The following AMT variants were observed in gnomAD, a reference collection of about 807,000 sequenced individuals.
AMT encodes aminomethyltransferase, mitochondrial.
Under a neutral mutation model 39.5 loss-of-function variants are expected in AMT, and 24 were observed. The ratio of observed to expected loss-of-function variants is 0.61; its 90% CI spans 0.44 to 0.86. The LOEUF is 0.86. AMT is among the 40% of genes least tolerant of loss of function. AMT has a pLI of 0.00. For missense variants in AMT, 501 were observed against 537.0 expected, an observed-to-expected ratio of 0.93 and a Z score of 0.66; for synonymous variants, 210 against 212.1, an observed-to-expected ratio of 0.99 and a Z score of 0.09.
At chr3:49,419,505 T>C in intron 5 of AMT, 100 bp from the exon 6 acceptor site, 1 of 1,557,812 alleles carries the variant, frequency 6.4e-7, no homozygotes, top group South Asian at 1.1e-5. Flanking sequence ...TGAGCATGTC[T>C]TACTCTGCAA....
At chr3:49,421,330 T>C in intron 3 of AMT, 162 bp downstream of exon 3, 2 of 682,718 alleles carry the variant, frequency 2.9e-6, no homozygotes, top group South Asian at 1.6e-5. Context: ...TCCCTACAAA[T>C]GTCTGTGTCT....
At chr3:49,421,923 T>G in intron 2 of AMT, 181 bp downstream of exon 2, 3 of 860,240 alleles carry the variant, frequency 3.5e-6, no homozygotes, top group Non-Finnish European at 5.7e-6. Context: ...GATGAGATGA[T>G]GAGACCCTCT....
rs1218215623 is a variant in AMT at position 49,419,761 on chromosome 3, C to G, written c.499G>C (p.Gly167Arg). 6.2e-7 allele frequency: 1 copy of G among 1,613,986 alleles called. No homozygotes were observed. The highest frequency in any genetic ancestry group is 8.5e-7 in the Non-Finnish European group (1 of 1,180,042). Residue 167 changes from glycine to arginine, a missense_variant, in exon 5 of 9, where the codon GGC becomes CGC. By Grantham distance (125) the Gly-to-Arg change is moderately radical. Coordinates refer to ENST00000273588, the MANE Select transcript of AMT (RefSeq NM_000481.4). ...AACACCTCCAGGCCCACATCTCTGC[C>G]CTGGTTCTGAAGCTCCCTGACCTTG... ...QDKVRELQNQ[G>R]RDVGLEVLDN...
chr3:49,418,117 G>A, intron 7 of AMT, 144 bp from the exon 8 acceptor site: 1 of 1,086,514 alleles, frequency 9.2e-7, no homozygotes, highest in Non-Finnish European at 1.3e-6. Flanking sequence ...TCCCTTCACT[G>A]CCGTCAGCCA....
chr3:49,419,604 A>G (rs534625484), intron 5 of AMT, 106 bp downstream of exon 5: 1 of 1,449,276 alleles, frequency 6.9e-7, no homozygotes, highest in South Asian at 1.1e-5. Context: ...TATGGCACAC[A>G]AATATCACAC....
At position 49,417,894 on chromosome 3, in the gene AMT, C is replaced by T. The variant is rs2049026846; in HGVS notation, c.957G>A (p.Arg319=). ...CCCCCTCACACATCAACCCCACACG[C>T]CTCCGCTGCACCCTGCCCTTCAGCT... ...VPQLKGRVQR[R]RVGLMCEGAP... The change falls in exon 8 of 9, where the codon AGG becomes AGA. Residue 319 remains arginine, a synonymous_variant. Coordinates refer to ENST00000273588, the MANE Select transcript of AMT (RefSeq NM_000481.4). The T allele has an allele frequency of 2.5e-6, 4 of 1,613,962 alleles. No homozygotes were observed. Among genetic ancestry groups the T allele is most frequent in the Admixed American group, 1.7e-5 (1 of 59,996 alleles).
intron 3 of AMT, chr3:49,420,828 C>A: frequency 4.6e-6 from 1 of 218,384 alleles, no homozygotes; most frequent in Non-Finnish European, 9.4e-6. Context: ...ACATGAATCA[C>A]CTGGGGATCT....
Position 49,417,032 on chromosome 3 carries a change from G to C in AMT, c.*508C>G. The C allele has an allele frequency of 1.8e-6, 1 of 562,670 alleles. No homozygotes were observed. Among genetic ancestry groups the C allele is most frequent in the East Asian group, 4.1e-5 (1 of 24,296 alleles). 34.9% of individuals were successfully genotyped at this position (562,670 alleles called of 1,614,324 possible). A position where few individuals can be genotyped will look rare whatever the true frequency, so the allele number is the denominator to read the frequency against. On this transcript the variant is annotated 3_prime_UTR_variant, in exon 9 of 9. Transcript: ENST00000273588. Reference sequence around the variant, plus strand: ...ATCCCCAAGTTTACACACAGGCATAGCAGCCCTACTGTGAGTCAGCAATCA... The same window carrying C: ...ATCCCCAAGTTTACACACAGGCATACCAGCCCTACTGTGAGTCAGCAATCA...
chr3:49,419,189 G>T, intron 6 of AMT, 38 bp from the exon 7 acceptor site: 1 of 1,612,438 alleles, frequency 6.2e-7, no homozygotes, highest in Non-Finnish European at 8.5e-7. Flanking sequence ...GAAGCTCCCT[G>T]TACCACATAC....
At chr3:49,419,944 C>A in intron 4 of AMT, 156 bp from the exon 5 acceptor site, 1 of 840,488 alleles carries the variant, frequency 1.2e-6, no homozygotes, top group Non-Finnish European at 2.0e-6. Context: ...TACAAGGTCA[C>A]ATAGCTACTA....
chr3:49,419,759 G>T lies in AMT; in HGVS notation c.501C>A (p.Gly167=). The part of the protein sequence containing the change: ...QDKVRELQNQ[G]RDVGLEVLDN... Reference sequence around the variant, plus strand: ...CCAACACCTCCAGGCCCACATCTCTGCCCTGGTTCTGAAGCTCCCTGACCT... The same window carrying T: ...CCAACACCTCCAGGCCCACATCTCTTCCCTGGTTCTGAAGCTCCCTGACCT... Residue 167 remains glycine, a synonymous_variant, in exon 5 of 9, where the codon GGC becomes GGA. Coordinates refer to ENST00000273588, the MANE Select transcript of AMT (RefSeq NM_000481.4). 1 of 1,614,160 alleles carries T rather than the reference G, an allele frequency of 6.2e-7. No homozygotes were observed. Among genetic ancestry groups the T allele is most frequent in the Non-Finnish European group, 8.5e-7 (1 of 1,180,042 alleles).
intron 3 of AMT, 55 bp from the exon 4 acceptor site, chr3:49,420,397 G>A: frequency 6.2e-7 from 1 of 1,613,110 alleles, no homozygotes; most frequent in Admixed American, 1.7e-5. Flanking sequence ...AAGGCCAAGG[G>A]TGAGCCAGAC....
intron 2 of AMT, 200 bp downstream of exon 2, chr3:49,421,904 A>C: frequency 1.3e-6 from 1 of 794,940 alleles, no homozygotes; most frequent in South Asian, 1.4e-5. Context: ...AATGGGGGCA[A>C]GCTAGAAGGA....
intron 4 of AMT, 94 bp from the exon 5 acceptor site, chr3:49,419,882 A>T: frequency 8.2e-7 from 1 of 1,216,200 alleles, no homozygotes; most frequent in Non-Finnish European, 1.2e-6. Context: ...AGGACAGTGG[A>T]GAGGAGGAGG....
chr3:49,420,121 C>G, intron 4 of AMT, 90 bp downstream of exon 4: 1 of 1,556,690 alleles, frequency 6.4e-7, no homozygotes, highest in Non-Finnish European at 8.8e-7. Context: ...TTTTCCAGGT[C>G]CCTTGTCTGT....
rs367986797 is a variant in AMT, at chr3:49,420,203, G to A, written c.471+8C>T. The A allele has an allele frequency of 3.7e-6, 6 of 1,614,074 alleles. No individual in the cohort carries two copies. The highest frequency in any genetic ancestry group is 1.6e-4 in the Middle Eastern group (1 of 6,084). On this transcript the variant is annotated splice_region_variant and intron_variant, in intron 4 of 8. Transcript: ENST00000273588. ...AGACAAGGTGTCTAGAACACAGAGG[G>A]GGTATACCTGCATGAGGGCCAAATC...
Position 49,419,080 on chromosome 3 carries a change from T to A in AMT, c.768A>T (p.Ala256=), listed in dbSNP as rs2049052195. 1 of 1,614,032 alleles carries A rather than the reference T, an allele frequency of 6.2e-7. No homozygotes were observed. The change falls in exon 7 of 9, where the codon GCA becomes GCT. Residue 256 remains alanine (A), a synonymous_variant. Transcript: ENST00000273588. ...AILKNPEVKL[A]GLAARDSLRL... ...GCAGGCTGTCCCTGGCTGCCAGCCC[T>A]GCCAGCTTCACCTCTGGGTTTTTCA...
At position 49,417,108 on chromosome 3, in the gene AMT, G is replaced by T. The variant is rs1294074750; in HGVS notation, c.*432C>A. ...TGCATTTACGGAAAGCAAACTGGAGGGGGTAGCCTAAGTCCGCACTGCCCA... is the reference window on the plus strand; with the variant it reads ...TGCATTTACGGAAAGCAAACTGGAGTGGGTAGCCTAAGTCCGCACTGCCCA... On this transcript the variant is annotated 3_prime_UTR_variant, in exon 9 of 9. Transcript: ENST00000273588. 1.4e-5 allele frequency: 10 copies of T among 733,510 alleles called. No homozygotes were observed. The highest frequency in any genetic ancestry group is 4.4e-5 in the South Asian group (3 of 67,532). The allele number at this position is 733,510 out of a possible 1,614,324, so 45.4% of individuals were successfully genotyped here. A position where few individuals can be genotyped will look rare whatever the true frequency, so the allele number is the denominator to read the frequency against.
At chr3:49,418,913 C>CT in intron 7 of AMT, 58 bp downstream of exon 7, 1 of 1,584,996 alleles carries the variant, frequency 6.3e-7, no homozygotes, top group Non-Finnish European at 8.7e-7. Flanking sequence ...GCTGGCTAGT[C>CT]TTATCAAGGG....
Sources: gnomAD v4.1 joint callset for allele counts on GRCh38, gnomAD v4.1.1 for gene constraint, MANE v1.5 for transcripts, NCBI Gene and HGNC (gene_info 2026-07-23, HGNC 2026-07-21) for gene names.